The following SLC7A8 variants were observed in gnomAD, a reference collection of about 807,000 sequenced individuals.
SLC7A8 encodes large neutral amino acids transporter small subunit 2.
In SLC7A8, 30 loss-of-function variants were observed where a neutral mutation model predicts 51.2. That is an observed-to-expected ratio of 0.59 (90% CI 0.44 to 0.80). The LOEUF is 0.80. SLC7A8 is among the 30% of genes least tolerant of loss of function. SLC7A8 has a pLI of 0.00. For missense variants in SLC7A8, 612 were observed against 674.4 expected (o/e 0.91, Z 1.03); for synonymous variants, 257 against 275.8 (o/e 0.93, Z 0.67).
At chr14:23,151,398 G>A (rs1257786907) in intron 3 of SLC7A8, among the ~76,000 whole-genome samples, 9 of 152,136 alleles carry the variant, frequency 5.9e-5, no homozygotes, top group South Asian at 2.1e-4. Flanking sequence ...CAAGTGCCCC[G>A]GATGCCAGAC....
intron 3 of SLC7A8, among the ~76,000 whole-genome samples, chr14:23,144,339 C>CA (rs138049817): frequency 0.62 from 74,493 of 119,920 alleles, 23,436 homozygotes; most frequent in East Asian, 0.8. Context: ...AGTTTAAACA[C>CA]AATTTTTTTT....
At chr14:23,180,989 T>C (rs1433129925) in intron 1 of SLC7A8, among the ~76,000 whole-genome samples, 4 of 152,034 alleles carry the variant, frequency 2.6e-5, no homozygotes, top group Admixed American at 6.6e-5. Flanking sequence ...ATCGCGCCAC[T>C]GCACTCCAGC....
intron 1 of SLC7A8, among the ~76,000 whole-genome samples, chr14:23,177,809 T>G (rs1035300856): frequency 5.3e-5 from 8 of 152,226 alleles, no homozygotes; most frequent in Non-Finnish European, 1.0e-4. Flanking sequence ...CACTCCCAGC[T>G]GACAGCCCAG....
intron 3 of SLC7A8, among the ~76,000 whole-genome samples, chr14:23,147,106 A>ATCCATCCATCCATCCATCCATCC (rs1421417665): frequency 1.5e-4 from 1 of 6,502 alleles, no homozygotes; most frequent in African/African-American, 3.2e-4. Flanking sequence ...TCCATCCATC[A>ATCCATCCATCCATCCATCCATCC]TAGATCCATT....
rs1426486561 is a variant in SLC7A8, at chr14:23,183,339, G to A, written c.-425C>T. Reference sequence around the variant, plus strand: ...CACCTCTCCCCCTAATAAAACAGGAGACTGCCTTTACCTCCCCTTAGTTTT... The same window carrying A: ...CACCTCTCCCCCTAATAAAACAGGAAACTGCCTTTACCTCCCCTTAGTTTT... On this transcript the variant is annotated 5_prime_UTR_variant, in exon 1 of 11. Transcript: ENST00000316902. The A allele has an allele frequency of 6.4e-6, 1 of 157,002 alleles. No individual in the cohort carries two copies. The highest frequency in any genetic ancestry group is 1.4e-5 in the Non-Finnish European group (1 of 71,486). The allele number at this position is 157,002 out of a possible 1,614,324, so 9.7% of individuals were successfully genotyped here.
rs367713003 is a variant in SLC7A8 at position 23,128,367 on chromosome 14, A to C, written c.1264-171T>G. The C allele has an allele frequency of 1.3e-6, 2 of 1,534,488 alleles. No individual in the cohort carries two copies. The highest frequency in any genetic ancestry group is 1.7e-6 in the Non-Finnish European group (2 of 1,144,970). Reference sequence around the variant, plus strand: ...ACTCACCCCTGGTAGGGCAGGGGCTATATAAACAAATGTTGATGAACATGG... The same window carrying C: ...ACTCACCCCTGGTAGGGCAGGGGCTCTATAAACAAATGTTGATGAACATGG... On this transcript the variant is annotated intron_variant, in intron 9 of 10. Coordinates refer to ENST00000316902, the MANE Select transcript of SLC7A8 (RefSeq NM_012244.4). The surrounding 1 kb of genome is among the most constrained non-coding windows in gnomAD (Gnocchi z 4.3).
At chr14:23,153,759 C>T (rs956876941) in intron 3 of SLC7A8, among the ~76,000 whole-genome samples, 2 of 152,158 alleles carry the variant, frequency 1.3e-5, no homozygotes, top group Non-Finnish European at 2.9e-5. Context: ...TTGGATTTCT[C>T]GGTCTCGCTG....
Position 23,128,243 on chromosome 14 carries a change from C to T in SLC7A8, c.1264-47G>A, listed in dbSNP as rs113105106. 1 of 1,608,178 alleles carries T rather than the reference C, an allele frequency of 6.2e-7. No homozygotes were observed. On this transcript the variant is annotated intron_variant, in intron 9 of 10. Coordinates refer to ENST00000316902, the MANE Select transcript of SLC7A8 (RefSeq NM_012244.4). This position sits in a 1 kb window ranked among gnomAD's most constrained non-coding sequence, Gnocchi z 4.3. The stretch of plus-strand genomic sequence containing the variant: ...CGTATGAACTGTGTAGGCCACGTGG[C>T]CCCCAGGACTAGGGACTGGGGCATT...
intron 3 of SLC7A8, among the ~76,000 whole-genome samples, chr14:23,164,032 G>A (rs2048936808): frequency 6.6e-6 from 1 of 151,824 alleles, no homozygotes; most frequent in Non-Finnish European, 1.5e-5. Flanking sequence ...CTATTCATAG[G>A]TGTAATCATA....
chr14:23,166,202 C>G (rs947492111), intron 2 of SLC7A8, 134 bp downstream of exon 2: 1 of 864,258 alleles, frequency 1.2e-6, no homozygotes, highest in Non-Finnish European at 1.8e-6. Flanking sequence ...GCAGAAGAGA[C>G]ATTCCATTCA....
rs2048985508 is a variant in SLC7A8 at position 23,173,615 on chromosome 14, AAAG to A, written c.152-7078_152-7076del. Reference sequence around the variant, plus strand: ...ATTCATTTCTTTCTCTCCTCGAGTTAAAGGAGTGCAAGGGCTTTGTTTTATTTT... The same window carrying A: ...ATTCATTTCTTTCTCTCCTCGAGTTAGAGTGCAAGGGCTTTGTTTTATTTT... On this transcript the variant is annotated intron_variant, in intron 1 of 10. Transcript: ENST00000316902. Among the ~76,000 whole-genome samples the A allele has an allele frequency of 3.3e-5, 5 of 152,256 alleles. No individual in the cohort carries two copies. The South Asian group carries it at 1.0e-3, about 32-fold the overall frequency.
intron 1 of SLC7A8, among the ~76,000 whole-genome samples, chr14:23,172,747 G>T (rs2048981091): frequency 6.6e-6 from 1 of 152,206 alleles, no homozygotes; most frequent in African/African-American, 2.4e-5. Context: ...AGCACCTCGT[G>T]TGCAGAGGCC....
intron 1 of SLC7A8, among the ~76,000 whole-genome samples, chr14:23,179,556 T>C (rs1184765657): frequency 1.3e-5 from 2 of 150,890 alleles, no homozygotes; most frequent in African/African-American, 4.9e-5. Context: ...ATGCCTGTAA[T>C]CCCAGCACTG....
At chr14:23,154,579 G>T in intron 3 of SLC7A8, 1 of 658,184 alleles carries the variant, frequency 1.5e-6, no homozygotes, top group South Asian at 6.8e-5. Flanking sequence ...GGCGTTTCCA[G>T]ATCTAGGAGG....
At chr14:23,131,997 CTATTT>C (rs1329172972) in intron 7 of SLC7A8, among the ~76,000 whole-genome samples, 8 of 139,146 alleles carry the variant, frequency 5.7e-5, no homozygotes, top group African/African-American at 1.9e-4. Flanking sequence ...TAAAAACACT[CTATTT>C]TTTTTTTTTT....
At chr14:23,179,710 G>A (rs1182235418) in intron 1 of SLC7A8, among the ~76,000 whole-genome samples, 3 of 152,118 alleles carry the variant, frequency 2.0e-5, no homozygotes, top group Non-Finnish European at 2.9e-5. Flanking sequence ...TGAGGAAGCT[G>A]AGGTGGAAGG....
chr14:23,127,204 C>G lies in SLC7A8; in HGVS notation c.1581G>C (p.Lys527Asn). 1 of 1,614,138 alleles carries G rather than the reference C, an allele frequency of 6.2e-7. No homozygotes were observed. The highest frequency in any genetic ancestry group is 8.5e-7 in the Non-Finnish European group (1 of 1,179,986). The change falls in exon 11 of 11, where the codon AAG becomes AAC. Residue 527 changes from lysine (K) to asparagine (N), a missense_variant. Transcript: ENST00000316902. Reference sequence around the variant, plus strand: ...AGGGCTGGGGCTGCCCCGCCACGTCCTTGTCCTTCGTGGGAGTGGGTTGGT... The same window carrying G: ...AGGGCTGGGGCTGCCCCGCCACGTCGTTGTCCTTCGTGGGAGTGGGTTGGT... The part of the protein sequence containing the change: ...PMYQPTPTKD[K>N]DVAGQPQP
intron 3 of SLC7A8, among the ~76,000 whole-genome samples, chr14:23,154,882 G>A (rs1297327491): frequency 6.7e-6 from 1 of 149,056 alleles, no homozygotes; most frequent in African/African-American, 2.5e-5. Flanking sequence ...AAGTCCTTCC[G>A]CACCTGGATT....
chr14:23,173,072 T>C (rs1344653168), intron 1 of SLC7A8, among the ~76,000 whole-genome samples: 4 of 152,242 alleles, frequency 2.6e-5, no homozygotes, highest in African/African-American at 7.2e-5. Context: ...ATTCACATCG[T>C]TGTGAGGCAA....
Sources: allele counts gnomAD v4.1 joint callset (sites outside exome capture counted in the v4.1 genomes callset), GRCh38; gene constraint gnomAD v4.1.1; non-coding constraint Gnocchi (gnomAD v3.1); transcripts MANE v1.5; gene names NCBI Gene and HGNC (gene_info 2026-07-23, HGNC 2026-07-21).